The following OR10J1 variants were observed in gnomAD, a reference collection of about 807,000 sequenced individuals.
OR10J1 encodes olfactory receptor 10J1.
For synonymous variants in OR10J1, 202 were observed against 143.8 expected (o/e 1.40, Z -2.89); for missense variants, 474 against 376.6 (o/e 1.26, Z -2.14).
chr1:159,427,650 A>G, the OR10J1 span, among the ~76,000 whole-genome samples: 2 of 152,034 alleles, frequency 1.3e-5, no homozygotes, highest in Non-Finnish European at 2.9e-5. Flanking sequence ...GTAGTGAAAA[A>G]CCTACTCTTT....
chr1:159,403,166 A>T, the OR10J1 span, among the ~76,000 whole-genome samples: 1 of 152,184 alleles, frequency 6.6e-6, no homozygotes, highest in African/African-American at 2.4e-5. Context: ...GCTACAAGAA[A>T]ACATTGGGGA....
At chr1:159,418,092 T>A in the OR10J1 span, among the ~76,000 whole-genome samples, 1 of 152,116 alleles carries the variant, frequency 6.6e-6, no homozygotes, top group Non-Finnish European at 1.5e-5. Flanking sequence ...TTAAAAGCAT[T>A]TAGTTTTAAA....
chr1:159,419,954 G>GTC, the OR10J1 span, among the ~76,000 whole-genome samples: 5 of 152,002 alleles, frequency 3.3e-5, no homozygotes, highest in South Asian at 6.2e-4. Context: ...TTGTATTGGA[G>GTC]TCTCTCTCTC....
chr1:159,419,927 G>C, the OR10J1 span, among the ~76,000 whole-genome samples: 1 of 152,070 alleles, frequency 6.6e-6, no homozygotes, highest in Non-Finnish European at 1.5e-5. Flanking sequence ...GTAGGGCGTT[G>C]AAGTCTCCAA....
chr1:159,410,358 T>A, the OR10J1 span, among the ~76,000 whole-genome samples: 3 of 152,202 alleles, frequency 2.0e-5, no homozygotes, highest in Non-Finnish European at 4.4e-5. Flanking sequence ...AGCTATTGAT[T>A]ATTGCCACAA....
At chr1:159,436,918 C>A (rs1655752802), upstream of OR10J1, among the ~76,000 whole-genome samples, 1 of 152,194 alleles carries the variant, frequency 6.6e-6, no homozygotes, top group African/African-American at 2.4e-5. Context: ...TTGTCTATCA[C>A]CTGCAACTAA....
chr1:159,410,484 G>A, the OR10J1 span, among the ~76,000 whole-genome samples: 169 of 152,128 alleles, frequency 1.1e-3, 1 homozygote, highest in Middle Eastern at 6.8e-3. Flanking sequence ...GTTTATTTTC[G>A]TAGAGGTGTT....
chr1:159,429,788 T>A, the OR10J1 span, among the ~76,000 whole-genome samples: 1 of 152,036 alleles, frequency 6.6e-6, no homozygotes, highest in African/African-American at 2.4e-5. Context: ...GTGCTGCTTT[T>A]TGTATGTTTG....
At chr1:159,426,792 C>CA in the OR10J1 span, among the ~76,000 whole-genome samples, 7 of 151,596 alleles carry the variant, frequency 4.6e-5, no homozygotes, top group East Asian at 1.4e-3. Context: ...AGAAATCAAC[C>CA]AAAAAAGAAG....
the OR10J1 span, among the ~76,000 whole-genome samples, chr1:159,409,635 T>C: frequency 6.6e-6 from 1 of 152,100 alleles, no homozygotes; most frequent in Non-Finnish European, 1.5e-5. Flanking sequence ...TAACTTTACA[T>C]GTATTATCTA....
At chr1:159,412,924 T>G in the OR10J1 span, among the ~76,000 whole-genome samples, 1 of 151,784 alleles carries the variant, frequency 6.6e-6, no homozygotes, top group African/African-American at 2.4e-5. Context: ...GAGAAAATTT[T>G]CACAACCTAC....
At chr1:159,408,621 A>T in the OR10J1 span, among the ~76,000 whole-genome samples, 43 of 152,096 alleles carry the variant, frequency 2.8e-4, no homozygotes, top group Middle Eastern at 3.4e-3. Context: ...ATAATAATAA[A>T]AAAAAAAGAA....
the OR10J1 span, among the ~76,000 whole-genome samples, chr1:159,413,962 A>G: frequency 6.6e-6 from 1 of 151,970 alleles, no homozygotes; most frequent in Non-Finnish European, 1.5e-5. Context: ...TAGGTTTTTA[A>G]ATTGGCACAT....
upstream of OR10J1, among the ~76,000 whole-genome samples, chr1:159,435,834 G>T (rs1450522723): frequency 6.6e-6 from 1 of 152,168 alleles, no homozygotes; most frequent in African/African-American, 2.4e-5. Context: ...TTTTGCATTA[G>T]GTTCTTTTGG....
At chr1:159,414,415 T>G in the OR10J1 span, among the ~76,000 whole-genome samples, 1 of 152,106 alleles carries the variant, frequency 6.6e-6, no homozygotes, top group East Asian at 1.9e-4. Context: ...CTTCAAATGA[T>G]GGGATTTCAT....
the OR10J1 span, among the ~76,000 whole-genome samples, chr1:159,425,554 G>A: frequency 2.0e-3 from 309 of 151,916 alleles, 1 homozygote; most frequent in Non-Finnish European, 3.1e-3. Context: ...CAAGATACTC[G>A]AAAACTTAAT....
the OR10J1 span, among the ~76,000 whole-genome samples, chr1:159,418,936 T>A: frequency 6.6e-6 from 1 of 152,200 alleles, no homozygotes; most frequent in South Asian, 2.1e-4. Flanking sequence ...GCTTTAAGAT[T>A]TGACTGCCCC....
At chr1:159,424,771 A>T in the OR10J1 span, among the ~76,000 whole-genome samples, 1 of 152,126 alleles carries the variant, frequency 6.6e-6, no homozygotes, top group Non-Finnish European at 1.5e-5. Flanking sequence ...ATGTCCAACA[A>T]ATATGAGTTC....
the OR10J1 span, among the ~76,000 whole-genome samples, chr1:159,412,037 C>G: frequency 3.9e-5 from 6 of 152,034 alleles, no homozygotes; most frequent in East Asian, 9.7e-4. Context: ...TTCTTATACA[C>G]CAATAACAGA....
Sources: gnomAD v4.1 joint callset for allele counts (sites outside exome capture counted in the v4.1 genomes callset) on GRCh38, gnomAD v4.1.1 for gene constraint, MANE v1.5 for transcripts, NCBI Gene and HGNC (gene_info 2026-07-23, HGNC 2026-07-21) for gene names.